Variants in CFAP61 observed in about 807,000 individuals in gnomAD.
The protein encoded by CFAP61 is cilia and flagella associated protein 61.
In CFAP61, 107 loss-of-function variants were observed where a neutral mutation model predicts 135.6. The observed-to-expected ratio is 0.79, with a 90% CI of 0.67 to 0.93. The LOEUF is 0.93. Among genes scored for constraint, CFAP61 ranks in the 40% least tolerant of loss-of-function variants. CFAP61 has a pLI of 0.00. For missense variants in CFAP61, 1,507 were observed against 1,556.2 expected (o/e 0.97, Z 0.53); for synonymous variants, 575 against 578.5 (o/e 0.99, Z 0.09).
At chr20:20,126,004 T>G (rs2050038839) in intron 8 of CFAP61, among the ~76,000 whole-genome samples, 1 of 151,770 alleles carries the variant, frequency 6.6e-6, no homozygotes, top group Non-Finnish European at 1.5e-5. Flanking sequence ...TGCTTTAAAG[T>G]TTGTTTTGTC....
At chr20:20,104,640 G>A (rs1374671021) in intron 8 of CFAP61, among the ~76,000 whole-genome samples, 1 of 152,152 alleles carries the variant, frequency 6.6e-6, no homozygotes, top group Non-Finnish European at 1.5e-5. Context: ...TTAACAGTCA[G>A]TTCATTCTGT....
chr20:20,249,319 T>C (rs1037680631), intron 19 of CFAP61, among the ~76,000 whole-genome samples: 21 of 151,998 alleles, frequency 1.4e-4, no homozygotes, highest in African/African-American at 4.8e-4. Flanking sequence ...GAAGATTGCT[T>C]GTGCCCAGGA....
intron 26 of CFAP61, among the ~76,000 whole-genome samples, chr20:20,357,993 G>C (rs1291778475): frequency 6.0e-5 from 7 of 116,828 alleles, no homozygotes; most frequent in Admixed American, 1.8e-4. Context: ...TGGTCATAGT[G>C]TGAGGGGAGG....
At chr20:20,172,507 A>G (rs976681601) in intron 13 of CFAP61, among the ~76,000 whole-genome samples, 1 of 151,986 alleles carries the variant, frequency 6.6e-6, no homozygotes, top group Non-Finnish European at 1.5e-5. Flanking sequence ...TTGTACAGAC[A>G]GGGTTTCATC....
chr20:20,277,648 C>T (rs1182237588), intron 22 of CFAP61, among the ~76,000 whole-genome samples, 190 bp downstream of exon 22: 1 of 152,210 alleles, frequency 6.6e-6, no homozygotes, highest in Admixed American at 6.5e-5. Flanking sequence ...GCAACAACAA[C>T]CGTTTATTAT....
intron 8 of CFAP61, among the ~76,000 whole-genome samples, chr20:20,110,100 G>T (rs918851331): frequency 5.1e-4 from 77 of 151,918 alleles, no homozygotes; most frequent in African/African-American, 1.8e-3. Context: ...TAGAGACGGG[G>T]TTTCACCGTG....
In CFAP61 at chr20:20,197,080, T is replaced by A. The variant is rs76913502; in HGVS notation, c.1797+304T>A. 2.8e-3 allele frequency among the ~76,000 whole-genome samples: 421 copies of A among 152,322 alleles called. 1 individual carries two copies. The highest frequency in any genetic ancestry group is 9.7e-3 in the African/African-American group (403 of 41,566). On this transcript the variant is annotated intron_variant, in intron 16 of 26. Coordinates refer to ENST00000245957, the MANE Select transcript of CFAP61 (RefSeq NM_015585.4). Reference sequence around the variant, plus strand: ...CTAAGAGCATGAAGATCTAATAATTTCTTATGATACGTGAGTACAATGCCA... The same window carrying A: ...CTAAGAGCATGAAGATCTAATAATTACTTATGATACGTGAGTACAATGCCA...
chr20:20,276,354 A>ACTGT (rs2053763919), intron 21 of CFAP61, among the ~76,000 whole-genome samples: 1 of 150,760 alleles, frequency 6.6e-6, no homozygotes. Context: ...TTTATTTGTG[A>ACTGT]AAATGTGAAA....
intron 17 of CFAP61, among the ~76,000 whole-genome samples, chr20:20,212,126 G>A (rs1485188671): frequency 2.6e-5 from 4 of 152,174 alleles, no homozygotes; most frequent in Non-Finnish European, 5.9e-5. Context: ...GTGTTGGTAG[G>A]ACCGAGGCTG....
At position 20,272,834 on chromosome 20, in the gene CFAP61, CT is replaced by C. The variant is rs1241842219; in HGVS notation, c.2504-4330del. 3.3e-5 allele frequency among the ~76,000 whole-genome samples: 5 copies of C among 152,254 alleles called. No homozygotes were observed. In the East Asian group the frequency reaches 9.7e-4, roughly 29 times the overall value. ...TTTCCTTCCTTCCCCATATCTCCTT[CT>C]TGATTCAGCCCAAAATTGACTTAAC... On this transcript the variant is annotated intron_variant, in intron 21 of 26. Transcript: ENST00000245957.
chr20:20,085,529 G>A (rs773256105), intron 6 of CFAP61: 41 of 1,366,258 alleles, frequency 3.0e-5, no homozygotes, highest in Admixed American at 1.3e-4. Flanking sequence ...AGAAGAATTC[G>A]TGTTGAGGTA....
chr20:20,216,344 G>A (rs182883026), intron 17 of CFAP61, among the ~76,000 whole-genome samples: 1 of 152,334 alleles, frequency 6.6e-6, no homozygotes, highest in African/African-American at 2.4e-5. Flanking sequence ...TAATTACAGT[G>A]CAATATGCTT....
At chr20:20,189,631 C>G (rs899526677) in intron 14 of CFAP61, among the ~76,000 whole-genome samples, 1 of 152,078 alleles carries the variant, frequency 6.6e-6, no homozygotes, top group Non-Finnish European at 1.5e-5. Flanking sequence ...GTGGAATATC[C>G]CTGCACACCT....
chr20:20,182,614 T>C (rs1296533712), intron 13 of CFAP61, among the ~76,000 whole-genome samples: 1 of 152,238 alleles, frequency 6.6e-6, no homozygotes, highest in East Asian at 1.9e-4. Flanking sequence ...GAATGAATGA[T>C]TCTTAATCCA....
intron 22 of CFAP61, among the ~76,000 whole-genome samples, chr20:20,281,957 A>G (rs552691224): frequency 2.0e-5 from 3 of 152,334 alleles, no homozygotes; most frequent in East Asian, 1.9e-4. Context: ...AGGCTACTCA[A>G]ATTTTCTGCT....
At chr20:20,289,690 A>C (rs1601834720) in intron 23 of CFAP61, among the ~76,000 whole-genome samples, 1 of 152,190 alleles carries the variant, frequency 6.6e-6, no homozygotes, top group Non-Finnish European at 1.5e-5. Flanking sequence ...CCTCTTCCTA[A>C]CTAGGCAGCC....
chr20:20,305,426 G>T (rs527614657), intron 25 of CFAP61, among the ~76,000 whole-genome samples: 69 of 152,208 alleles, frequency 4.5e-4, no homozygotes, highest in Non-Finnish European at 9.1e-4. Context: ...CTTTTGCTGT[G>T]TTCAGTGGTA....
At chr20:20,154,119 C>G (rs981886578) in intron 9 of CFAP61, among the ~76,000 whole-genome samples, 4 of 151,940 alleles carry the variant, frequency 2.6e-5, no homozygotes, top group African/African-American at 9.7e-5. Flanking sequence ...ATTATCATCT[C>G]AAAAGACACA....
intron 6 of CFAP61, among the ~76,000 whole-genome samples, chr20:20,089,470 T>C (rs1272806099): frequency 1.3e-5 from 2 of 150,724 alleles, no homozygotes; most frequent in African/African-American, 4.9e-5. Context: ...TAAAATGGGA[T>C]GATGAAGATG....
Sources: allele counts gnomAD v4.1 joint callset (sites outside exome capture counted in the v4.1 genomes callset), GRCh38; gene constraint gnomAD v4.1.1; transcripts MANE v1.5; gene names NCBI Gene and HGNC (gene_info 2026-07-23, HGNC 2026-07-21).